Variants in PNLDC1 observed in about 807,000 individuals in gnomAD.
PNLDC1 encodes poly(A)-specific ribonuclease PNLDC1.
PNLDC1 carries 70 observed loss-of-function variants against 82.0 expected under a neutral mutation model. The observed-to-expected ratio is 0.85, with a 90% CI of 0.70 to 1.04. The LOEUF (loss-of-function observed/expected upper bound fraction) is 1.04, where lower values mean the gene tolerates loss of function less well. PNLDC1 is among the 50% of genes least tolerant of loss of function. The probability of loss-of-function intolerance (pLI) is 0.00; values close to 1 mark genes in which losing one functional copy is unlikely to be tolerated. For synonymous variants in PNLDC1, 280 were observed against 249.3 expected, an observed-to-expected ratio of 1.12 and a Z score of -1.16; for missense variants, 631 against 661.1, an observed-to-expected ratio of 0.95 and a Z score of 0.50.
At chr6:159,817,622 C>T (rs1781880012) in intron 15 of PNLDC1, among the ~76,000 whole-genome samples, 1 of 152,222 alleles carries the variant, frequency 6.6e-6, no homozygotes, top group African/African-American at 2.4e-5. Flanking sequence ...ATCTTCAGTG[C>T]ATTTCCCCAT....
Position 159,801,130 on chromosome 6 carries a change from C to T in PNLDC1, c.152C>T (p.Ser51Leu), listed in dbSNP as rs1781237054. 6.2e-7 allele frequency: 1 copy of T among 1,614,118 alleles called. No homozygotes were observed. Among genetic ancestry groups the T allele is most frequent in the Non-Finnish European group, 8.5e-7 (1 of 1,180,002 alleles). Residue 51 changes from serine to leucine, a missense_variant, in exon 3 of 19, where the codon TCG (serine) becomes TTG (leucine). Ser to Leu is a moderately radical substitution (Grantham distance 145). Transcript: ENST00000392167. The part of the protein sequence containing the change: ...PQQISLFDLP[S>L]EWYLKTRQSV... ...GTTCACAGTCTTTTTGATTTGCCAT[C>T]GGAGTGGTATCTAAAGACCCGTCAG...
Position 159,818,635 on chromosome 6 carries a change from G to T in PNLDC1, c.1238G>T (p.Arg413Leu). 1.9e-6 allele frequency: 3 copies of T among 1,613,678 alleles called. No individual in the cohort carries two copies. The highest frequency in any genetic ancestry group is 2.5e-6 in the Non-Finnish European group (3 of 1,179,948). The change falls in exon 16 of 19, where the codon CGA becomes CTA. Residue 413 changes from arginine to leucine, a missense_variant. By Grantham distance (102) the Arg-to-Leu change is moderately radical. Transcript: ENST00000392167. ...APYVNQVNLI[R>L]AGVPKINFSG... ...TACGTGAACCAAGTGAACCTCATCC[G>T]AGCGGGGGTCCCAAAGATCGTGAGT...
chr6:159,803,768 C>T (rs939946335), intron 4 of PNLDC1, among the ~76,000 whole-genome samples, 197 bp from the exon 5 acceptor site: 1 of 152,178 alleles, frequency 6.6e-6, no homozygotes, highest in Non-Finnish European at 1.5e-5. Flanking sequence ...GTGGTATACG[C>T]TGGCCCTGAA....
chr6:159,800,155 A>C (rs1467953032), upstream of PNLDC1: 5 of 635,348 alleles, frequency 7.9e-6, no homozygotes. Flanking sequence ...GGGCGACGCC[A>C]GCAGCACACG....
chr6:159,800,448 G>T lies in PNLDC1; in HGVS notation c.76+65G>T, dbSNP rs532735206. The T allele has an allele frequency of 2.7e-6, 4 of 1,499,478 alleles. No homozygotes were observed. In the South Asian group the frequency reaches 3.7e-5, roughly 14 times the overall value. The allele number at this position is 1,499,478 out of a possible 1,614,324, so 92.9% of individuals were successfully genotyped here. ...CCTTGCCCCGGGCGAGCTTGAGGAG[G>T]GGGTGGCGGGACGGTTGCCAGGCCA... On this transcript the variant is annotated intron_variant, in intron 1 of 18. Transcript: ENST00000392167.
intron 5 of PNLDC1, 140 bp downstream of exon 5, chr6:159,804,228 G>A (rs776802199): frequency 3.9e-6 from 4 of 1,020,944 alleles, no homozygotes; most frequent in Admixed American, 2.4e-5. Flanking sequence ...AGCCTCCCAA[G>A]TAGCTGGGAT....
intron 7 of PNLDC1, among the ~76,000 whole-genome samples, chr6:159,806,917 A>G (rs1451373518): frequency 6.8e-5 from 8 of 118,112 alleles, no homozygotes; most frequent in Admixed American, 2.1e-4. Flanking sequence ...TTGAAGATAT[A>G]GTTTTGCTCT....
At chr6:159,816,991 GC>G in intron 14 of PNLDC1, 117 bp from the exon 15 acceptor site, 1 of 1,052,248 alleles carries the variant, frequency 9.5e-7, no homozygotes. Context: ...TTGGCAGTAT[GC>G]CCCTGCCGTC....
intron 12 of PNLDC1, among the ~76,000 whole-genome samples, chr6:159,814,691 G>A (rs374507702): frequency 3.2e-4 from 49 of 152,288 alleles, no homozygotes; most frequent in African/African-American, 1.2e-3. Flanking sequence ...CTGATTCCAG[G>A]CTTCCTGGGT....
chr6:159,800,708 A>G lies in PNLDC1; in HGVS notation c.77-64A>G, dbSNP rs756424482. On this transcript the variant is annotated intron_variant, in intron 1 of 18. Coordinates refer to ENST00000392167, the MANE Select transcript of PNLDC1 (RefSeq NM_001271862.2). Reference sequence around the variant, plus strand: ...GGGTGCCTTGGCCGCCTGCAGATCTACAGTGTGAGGAGTGCTGGCGATGTT... The same window carrying G: ...GGGTGCCTTGGCCGCCTGCAGATCTGCAGTGTGAGGAGTGCTGGCGATGTT... The G allele has an allele frequency of 1.1e-5, 17 of 1,614,030 alleles. No individual in the cohort carries two copies. In the East Asian group the frequency reaches 1.1e-4, roughly 11 times the overall value.
chr6:159,818,521 C>T (rs773687126), intron 15 of PNLDC1, 34 bp from the exon 16 acceptor site: 35 of 1,581,520 alleles, frequency 2.2e-5, no homozygotes, highest in Middle Eastern at 1.7e-4. Context: ...AACTTCTGTG[C>T]GCCCGACAGC....
At chr6:159,805,016 G>C (rs1301575357) in intron 6 of PNLDC1, among the ~76,000 whole-genome samples, 1 of 152,240 alleles carries the variant, frequency 6.6e-6, no homozygotes, top group African/African-American at 2.4e-5. Flanking sequence ...GATCTTCTGA[G>C]GGATTTTTCA....
At chr6:159,813,446 T>C (rs1381134487) in intron 11 of PNLDC1, among the ~76,000 whole-genome samples, 155 bp from the exon 12 acceptor site, 3 of 152,126 alleles carry the variant, frequency 2.0e-5, no homozygotes. Flanking sequence ...ACATCCTAAC[T>C]AAGGAATAAG....
rs1251535587 is a variant in PNLDC1, at chr6:159,820,457, C to T, written c.1536C>T (p.Val512=). The T allele has an allele frequency of 1.2e-6, 2 of 1,614,136 alleles. No individual in the cohort carries two copies. The highest frequency in any genetic ancestry group is 2.2e-5 in the South Asian group (2 of 91,076). Residue 512 remains valine (V), a synonymous_variant, in exon 19 of 19, where the codon GTC becomes GTT. Coordinates refer to ENST00000392167, the MANE Select transcript of PNLDC1 (RefSeq NM_001271862.2). ...HSPNVNCLLQ[V]CGIVTAWALL... is the part of the protein sequence containing the mutation. The stretch of plus-strand genomic sequence containing the variant: ...GACACGTGTCATTGTCTTGCAGAGT[C>T]TGTGGCATAGTGACTGCCTGGGCCC...
chr6:159,817,404 G>A (rs1440433621), intron 15 of PNLDC1, among the ~76,000 whole-genome samples: 3 of 152,350 alleles, frequency 2.0e-5, no homozygotes, highest in Admixed American at 2.0e-4. Context: ...CAGATGTCAG[G>A]AGGCCAAGGC....
intron 10 of PNLDC1, among the ~76,000 whole-genome samples, chr6:159,811,409 A>T (rs767101669): frequency 6.6e-6 from 1 of 152,130 alleles, no homozygotes; most frequent in Non-Finnish European, 1.5e-5. Context: ...TTCTATTTTT[A>T]AGTCTTATCC....
At chr6:159,818,885 A>G (rs1222536575) in intron 16 of PNLDC1, 61 bp from the exon 17 acceptor site, 2 of 1,558,100 alleles carry the variant, frequency 1.3e-6, no homozygotes, top group Non-Finnish European at 1.8e-6. Flanking sequence ...TGAGATCTTC[A>G]GACTGGATAA....
intron 18 of PNLDC1, 92 bp from the exon 19 acceptor site, chr6:159,820,362 C>T: frequency 8.3e-7 from 1 of 1,197,910 alleles, no homozygotes; most frequent in Non-Finnish European, 1.2e-6. Flanking sequence ...CATCTGAGTG[C>T]ACGGGGCTGG....
At chr6:159,808,061 C>G (rs894474464) in intron 7 of PNLDC1, among the ~76,000 whole-genome samples, 1 of 152,034 alleles carries the variant, frequency 6.6e-6, no homozygotes, top group Non-Finnish European at 1.5e-5. Context: ...TTACAGGCAT[C>G]TGCCACCATG....
Sources: gnomAD v4.1 joint callset for allele counts (sites outside exome capture counted in the v4.1 genomes callset) on GRCh38, gnomAD v4.1.1 for gene constraint, MANE v1.5 for transcripts, NCBI Gene and HGNC (gene_info 2026-07-23, HGNC 2026-07-21) for gene names.